Variants in EGFR observed in about 807,000 individuals in gnomAD.
EGFR encodes avian erythroblastic leukemia viral (v-erb-b) oncogene homolog.
A neutral mutation model predicts 143.0 loss-of-function variants in EGFR; 58 were observed. The ratio of observed to expected loss-of-function variants is 0.41; its 90% CI spans 0.33 to 0.50. EGFR has a LOEUF of 0.50. Ranked by LOEUF, EGFR falls within the 20% of genes least tolerant of loss-of-function variation. The probability of loss-of-function intolerance (pLI) is 0.39; values close to 1 mark genes in which losing one functional copy is unlikely to be tolerated. For missense variants in EGFR, 1,307 were observed against 1,579.0 expected, an observed-to-expected ratio of 0.83 and a Z score of 2.92; for synonymous variants, 613 against 594.4, an observed-to-expected ratio of 1.03 and a Z score of -0.45.
chr7:55,077,761 G>T (rs1790214831), intron 1 of EGFR, among the ~76,000 whole-genome samples: 4 of 152,010 alleles, frequency 2.6e-5, no homozygotes, highest in Admixed American at 1.3e-4. Context: ...ACTCTTTGGT[G>T]CTTGGGGAAA....
At chr7:55,030,766 A>C (rs1787200864) in intron 1 of EGFR, among the ~76,000 whole-genome samples, 1 of 152,252 alleles carries the variant, frequency 6.6e-6, no homozygotes, top group Non-Finnish European at 1.5e-5. Context: ...TGGCCCTCCA[A>C]GAGTGTTCAT....
intron 1 of EGFR, among the ~76,000 whole-genome samples, chr7:55,097,263 A>G (rs1791534051): frequency 6.6e-6 from 1 of 152,222 alleles, no homozygotes; most frequent in Non-Finnish European, 1.5e-5. Flanking sequence ...GCAGAATCCC[A>G]GCCTCCTCTA....
chr7:55,135,183 G>T (rs1794066204), intron 1 of EGFR, among the ~76,000 whole-genome samples: 1 of 152,056 alleles, frequency 6.6e-6, no homozygotes, highest in African/African-American at 2.4e-5. Flanking sequence ...TTCTTTTAAT[G>T]GCTAGAAGGA....
rs2128971453 is a variant in EGFR at position 55,201,189 on chromosome 7, G to T, written c.2948G>T (p.Gly983Val). ...RDPQRYLVIQGDERMHLPSPT... is the reference protein window; with the variant it reads ...RDPQRYLVIQVDERMHLPSPT... ...ATAGCCTCAAAATCTCTGCACCAGG[G>T]GGATGAAAGAATGCATTTGCCAAGT... is the stretch of plus-strand genomic sequence containing the variant. The change falls in exon 25 of 28, where the codon GGG (glycine) becomes GTG (valine). Residue 983 changes from glycine to valine, a missense_variant and splice_region_variant. Around this residue, in one of 7 missense-constraint regions of EGFR, gnomAD observed 313 missense variants for 312.3 expected, o/e 1.00. Transcript: ENST00000275493. 4 of 1,614,186 alleles carry T rather than the reference G, an allele frequency of 2.5e-6. No individual in the cohort carries two copies. Among genetic ancestry groups the T allele is most frequent in the Non-Finnish European group, 3.4e-6 (4 of 1,180,042 alleles).
intron 12 of EGFR, among the ~76,000 whole-genome samples, chr7:55,160,660 A>T (rs1785651395): frequency 6.6e-6 from 1 of 152,252 alleles, no homozygotes; most frequent in Non-Finnish European, 1.5e-5. Context: ...TGTAAAGACT[A>T]CAGCTACACA....
chr7:55,019,520 C>G (rs778435715), intron 1 of EGFR, among the ~76,000 whole-genome samples, 155 bp downstream of exon 1: 1 of 152,038 alleles, frequency 6.6e-6, no homozygotes, highest in Admixed American at 6.5e-5. Context: ...CGACCGGGAC[C>G]GCGGGAGGAA....
Position 55,181,360 on chromosome 7 carries a change from C to G in EGFR, c.2351C>G (p.Ser784Cys), listed in dbSNP as rs1424329195. 1 of 1,614,120 alleles carries G rather than the reference C, an allele frequency of 6.2e-7. No homozygotes were observed. Among genetic ancestry groups the G allele is most frequent in the Non-Finnish European group, 8.5e-7 (1 of 1,180,044 alleles). Reference sequence around the variant, plus strand: ...CGCCTGCTGGGCATCTGCCTCACCTCCACCGTGCAGCTCATCACGCAGCTC... The same window carrying G: ...CGCCTGCTGGGCATCTGCCTCACCTGCACCGTGCAGCTCATCACGCAGCTC... Reference protein sequence around the residue: ...VCRLLGICLTSTVQLITQLMP... With the variant: ...VCRLLGICLTCTVQLITQLMP... Residue 784 changes from serine (S) to cysteine (C), a missense_variant, in exon 20 of 28, where the codon TCC (serine) becomes TGC (cysteine). Ser to Cys is a moderately radical substitution (Grantham distance 112). Transcript: ENST00000275493.
intron 15 of EGFR, among the ~76,000 whole-genome samples, chr7:55,165,666 G>C (rs550389090): frequency 1.3e-5 from 2 of 152,314 alleles, no homozygotes; most frequent in South Asian, 4.1e-4. Flanking sequence ...CCTGTGTTGT[G>C]CAATGCTGCA....
At chr7:55,162,491 T>C (rs144702256) in intron 13 of EGFR, among the ~76,000 whole-genome samples, 1 of 152,278 alleles carries the variant, frequency 6.6e-6, no homozygotes, top group South Asian at 2.1e-4. Flanking sequence ...TTGATAGTGC[T>C]GCTTCAACTT....
chr7:55,058,413 C>T lies in EGFR; in HGVS notation c.88+39048C>T, dbSNP rs543119501. Reference sequence around the variant, plus strand: ...TGTCTCAAAAAAAAAAAAAGAACCACTTGCATATACACTATTCACAATAGC... The same window carrying T: ...TGTCTCAAAAAAAAAAAAAGAACCATTTGCATATACACTATTCACAATAGC... On this transcript the variant is annotated intron_variant, in intron 1 of 27. Transcript: ENST00000275493. 5.3e-5 allele frequency among the ~76,000 whole-genome samples: 8 copies of T among 152,006 alleles called. No individual in the cohort carries two copies. The South Asian group carries it at 1.7e-3, about 32-fold the overall frequency.
chr7:55,150,707 C>CA (rs1328370292), intron 4 of EGFR, among the ~76,000 whole-genome samples: 3 of 152,124 alleles, frequency 2.0e-5, no homozygotes, highest in Non-Finnish European at 2.9e-5. Flanking sequence ...TGTAATCGGC[C>CA]AATTATAAAA....
chr7:55,183,654 G>A (rs1285448296), intron 20 of EGFR, among the ~76,000 whole-genome samples: 1 of 152,234 alleles, frequency 6.6e-6, no homozygotes, highest in Non-Finnish European at 1.5e-5. Flanking sequence ...ATCTGAAGCA[G>A]GGAATGGAGA....
rs548870433 is a variant in EGFR, at chr7:55,160,110, C to T, written c.1299-29C>T. ...GATACATTGTTTTTATAATTTTTCACCACATGATTTTTCTTCTCTCCAATG... is the reference window on the plus strand; with the variant it reads ...GATACATTGTTTTTATAATTTTTCATCACATGATTTTTCTTCTCTCCAATG... On this transcript the variant is annotated intron_variant, in intron 11 of 27. Transcript: ENST00000275493. 1.1e-4 allele frequency: 177 copies of T among 1,612,248 alleles called. No homozygotes were observed. In the South Asian group the frequency reaches 1.7e-3, roughly 16 times the overall value.
intron 1 of EGFR, among the ~76,000 whole-genome samples, chr7:55,035,386 G>A (rs545283084): frequency 9.2e-5 from 14 of 151,828 alleles, no homozygotes; most frequent in Non-Finnish European, 1.3e-4. Context: ...AAAAATGGCC[G>A]AGTGTGGTGG....
chr7:55,182,853 G>C (rs374411239), intron 20 of EGFR, among the ~76,000 whole-genome samples: 4 of 152,298 alleles, frequency 2.6e-5, no homozygotes, highest in Middle Eastern at 3.4e-3. Flanking sequence ...GTTAGACAGT[G>C]GTCCTGGGAG....
At chr7:55,020,050 A>G (rs2128854547) in intron 1 of EGFR, among the ~76,000 whole-genome samples, 1 of 152,216 alleles carries the variant, frequency 6.6e-6, no homozygotes, top group Admixed American at 6.5e-5. Flanking sequence ...GAGCTGGGAG[A>G]ACTCGTCTAC....
chr7:55,092,473 A>G (rs1280844713), intron 1 of EGFR, among the ~76,000 whole-genome samples: 1 of 152,166 alleles, frequency 6.6e-6, no homozygotes, highest in Non-Finnish European at 1.5e-5. Flanking sequence ...GGCACTTGCA[A>G]TCAAAACTAG....
At chr7:55,043,215 G>C (rs1394926806) in intron 1 of EGFR, among the ~76,000 whole-genome samples, 1 of 152,124 alleles carries the variant, frequency 6.6e-6, no homozygotes, top group Non-Finnish European at 1.5e-5. Context: ...GAATGTTAAG[G>C]TCTAAACCAG....
chr7:55,090,094 C>A (rs930136378), intron 1 of EGFR, among the ~76,000 whole-genome samples: 16 of 152,048 alleles, frequency 1.1e-4, no homozygotes, highest in African/African-American at 3.9e-4. Flanking sequence ...TCAGCCTCCT[C>A]AGTAGCTGAG....
Sources: gnomAD v4.1 joint callset for allele counts (sites outside exome capture counted in the v4.1 genomes callset) on GRCh38, gnomAD v4.1.1 for gene constraint, gnomAD v4.1.1 regional missense constraint, MANE v1.5 for transcripts, NCBI Gene and HGNC (gene_info 2026-07-23, HGNC 2026-07-21) for gene names.